NLGN1: variants seen among roughly 807,000 people sequenced by gnomAD.
NLGN1 encodes neuroligin-1.
In NLGN1, 12 loss-of-function variants were observed where a neutral mutation model predicts 65.5. That is an observed-to-expected ratio of 0.18 (90% CI 0.12 to 0.30). NLGN1 has a LOEUF of 0.30. Among genes scored for constraint, NLGN1 ranks in the 10% least tolerant of loss-of-function variants. NLGN1 has a pLI of 1.00. For missense variants in NLGN1, 750 were observed against 1,007.1 expected (o/e 0.74, Z 3.46); for synonymous variants, 350 against 359.5 (o/e 0.97, Z 0.30).
At chr3:174,006,901 C>G (rs1724542494) in intron 4 of NLGN1, among the ~76,000 whole-genome samples, 3 of 151,898 alleles carry the variant, frequency 2.0e-5, no homozygotes. Context: ...AACCTCATCT[C>G]TACTAAAAAT....
chr3:173,438,759 G>A (rs1577462616), intron 2 of NLGN1, among the ~76,000 whole-genome samples: 1 of 152,094 alleles, frequency 6.6e-6, no homozygotes, highest in Non-Finnish European at 1.5e-5. Flanking sequence ...AGACAGAAAA[G>A]ATAAAGATAC....
At chr3:173,623,873 T>C (rs1754404630) in intron 3 of NLGN1, among the ~76,000 whole-genome samples, 1 of 152,176 alleles carries the variant, frequency 6.6e-6, no homozygotes, top group South Asian at 2.1e-4. Context: ...ATCAGGAATT[T>C]CAAAAATCTT....
intron 4 of NLGN1, among the ~76,000 whole-genome samples, chr3:173,938,530 T>TAG (rs1745430769): frequency 6.6e-6 from 1 of 152,196 alleles, no homozygotes; most frequent in Non-Finnish European, 1.5e-5. Context: ...AGTTCTTTGC[T>TAG]ACTGCAGTGT....
chr3:173,469,275 T>C (rs1373436640), intron 2 of NLGN1, among the ~76,000 whole-genome samples: 4 of 152,052 alleles, frequency 2.6e-5, no homozygotes, highest in Non-Finnish European at 2.9e-5. Context: ...GTTTCTAAAA[T>C]CTCTTTTCAA....
chr3:173,571,340 C>T (rs1295253479), intron 2 of NLGN1, among the ~76,000 whole-genome samples: 1 of 152,064 alleles, frequency 6.6e-6, no homozygotes, highest in East Asian at 1.9e-4. Context: ...TTTTAAATGA[C>T]TGTTATTCTT....
chr3:174,265,786 T>C (rs1473914879), intron 4 of NLGN1, among the ~76,000 whole-genome samples: 1 of 146,090 alleles, frequency 6.8e-6, no homozygotes, highest in Non-Finnish European at 1.5e-5. Context: ...TATATATGTA[T>C]ATATATATAT....
chr3:173,731,892 C>T (rs1187027218), intron 3 of NLGN1, among the ~76,000 whole-genome samples: 2 of 151,850 alleles, frequency 1.3e-5, no homozygotes, highest in Non-Finnish European at 2.9e-5. Context: ...CAATACTGCT[C>T]TTTGCTAACA....
chr3:173,517,835 A>G (rs1173627642), intron 2 of NLGN1, among the ~76,000 whole-genome samples: 2 of 151,672 alleles, frequency 1.3e-5, no homozygotes, highest in Non-Finnish European at 2.9e-5. Flanking sequence ...CATGGTGGTA[A>G]TATAGCATGC....
At chr3:173,450,236 G>C (rs1721227485) in intron 2 of NLGN1, among the ~76,000 whole-genome samples, 1 of 152,212 alleles carries the variant, frequency 6.6e-6, no homozygotes, top group Admixed American at 6.5e-5. Context: ...CTTCCTTCAG[G>C]AGCTCTTTTA....
chr3:173,415,923 A>G (rs528736319), intron 1 of NLGN1, among the ~76,000 whole-genome samples: 79 of 141,142 alleles, frequency 5.6e-4, no homozygotes, highest in Middle Eastern at 3.8e-3. Context: ...AGAGAGGGAG[A>G]GAGAGAGAGA....
chr3:174,086,592 A>G (rs1467800386), intron 4 of NLGN1, among the ~76,000 whole-genome samples: 1 of 151,656 alleles, frequency 6.6e-6, no homozygotes, highest in Non-Finnish European at 1.5e-5. Flanking sequence ...TAAAACATAT[A>G]GTTACTTAAG....
intron 4 of NLGN1, among the ~76,000 whole-genome samples, chr3:173,999,397 A>G (rs542489315): frequency 2.0e-5 from 3 of 152,302 alleles, no homozygotes; most frequent in Non-Finnish European, 4.4e-5. Flanking sequence ...CATTTGAAGT[A>G]CTTGGTCATA....
chr3:174,197,751 C>CGTGTGTGTGTGTGTGTGTGT lies in NLGN1; in HGVS notation c.647-77557_647-77538dup, dbSNP rs71162378. On this transcript the variant is annotated intron_variant, in intron 4 of 6. Coordinates refer to ENST00000457714, the Ensembl canonical transcript of NLGN1. Reference sequence around the variant, plus strand: ...ACTTTCAAAATAATTCCCATTATCTCGTGTGTGTGTGTGTGTGTGTGTGTG... The same window carrying CGTGTGTGTGTGTGTGTGTGT: ...ACTTTCAAAATAATTCCCATTATCTCGTGTGTGTGTGTGTGTGTGTGTGTGTGTGTGTGTGTGTGTGTGTG... Among the ~76,000 whole-genome samples, 195 of 141,724 alleles carry CGTGTGTGTGTGTGTGTGTGT rather than the reference C, an allele frequency of 1.4e-3. 1 individual carries two copies. The highest frequency in any genetic ancestry group is 4.1e-3 in the African/African-American group (159 of 38,318). 93.0% of individuals were successfully genotyped at this position (141,724 alleles called of 152,430 possible).
chr3:173,732,000 ATTG>A (rs1374438349), intron 3 of NLGN1, among the ~76,000 whole-genome samples: 5 of 152,066 alleles, frequency 3.3e-5, no homozygotes, highest in Non-Finnish European at 5.9e-5. Context: ...TACAAACTAA[ATTG>A]TTGTTTACAA....
intron 1 of NLGN1, among the ~76,000 whole-genome samples, chr3:173,419,014 C>CTTT (rs1714398205): frequency 2.1e-4 from 2 of 9,410 alleles, no homozygotes; most frequent in African/African-American, 4.5e-4. Flanking sequence ...TAGCTTTCTT[C>CTTT]TTCTTCTTTT....
At chr3:173,514,492 T>A (rs1325156087) in intron 2 of NLGN1, among the ~76,000 whole-genome samples, 1 of 152,218 alleles carries the variant, frequency 6.6e-6, no homozygotes, top group South Asian at 2.1e-4. Flanking sequence ...TTATTTATTT[T>A]AAATTTTAAT....
At chr3:173,845,592 A>G (rs903819618) in intron 4 of NLGN1, among the ~76,000 whole-genome samples, 1 of 146,278 alleles carries the variant, frequency 6.8e-6, no homozygotes. Context: ...GGATAGACAG[A>G]TAGGTAGGTG....
chr3:173,747,801 C>CTTTTTTTTTTTTTTTTTTTTTTTTTTTTT lies in NLGN1; in HGVS notation c.494-59877_494-59849dup, dbSNP rs749749824. ...AATTTTCTTTCTTCTTCTTCTTGTTCTTTTTTTTTTTTTTTTTTTTTTTTT... is the reference window on the plus strand; with the variant it reads ...AATTTTCTTTCTTCTTCTTCTTGTTCTTTTTTTTTTTTTTTTTTTTTTTTTTTTTTTTTTTTTTTTTTTTTTTTTTTTTT... On this transcript the variant is annotated intron_variant, in intron 3 of 6. Coordinates refer to ENST00000457714, the Ensembl canonical transcript of NLGN1. 1.1e-4 allele frequency among the ~76,000 whole-genome samples: 7 copies of CTTTTTTTTTTTTTTTTTTTTTTTTTTTTT among 64,422 alleles called. 2 individuals carry two copies. Among genetic ancestry groups the CTTTTTTTTTTTTTTTTTTTTTTTTTTTTT allele is most frequent in the African/African-American group, 3.7e-4 (6 of 16,084 alleles). The allele number at this position is 64,422 out of a possible 152,430, so 42.3% of individuals were successfully genotyped here. A position where few individuals can be genotyped will look rare whatever the true frequency, so the allele number is the denominator to read the frequency against.
Position 173,853,923 on chromosome 3 carries a change from G to A in NLGN1, c.646+46091G>A, listed in dbSNP as rs139901870. ...TTATTTATTAAATTTATATACATTTGATAGTGATCAGTCTTGTTTTATGCA... is the reference window on the plus strand; with the variant it reads ...TTATTTATTAAATTTATATACATTTAATAGTGATCAGTCTTGTTTTATGCA... On this transcript the variant is annotated intron_variant, in intron 4 of 6. Transcript: ENST00000457714. Among the ~76,000 whole-genome samples the A allele has an allele frequency of 6.3e-4, 95 of 151,922 alleles. 1 individual carries two copies. The highest frequency in any genetic ancestry group is 3.1e-3 in the East Asian group (16 of 5,160).
Sources: allele counts gnomAD v4.1 joint callset (sites outside exome capture counted in the v4.1 genomes callset), GRCh38; gene constraint gnomAD v4.1.1; transcripts MANE v1.5; gene names NCBI Gene and HGNC (gene_info 2026-07-23, HGNC 2026-07-21).